The following AEBP2 variants were observed in gnomAD, a reference collection of about 807,000 sequenced individuals.
The protein encoded by AEBP2 is AE binding protein 2.
Under a neutral mutation model 50.8 loss-of-function variants are expected in AEBP2, and 10 were observed. The ratio of observed to expected loss-of-function variants is 0.20; its 90% CI spans 0.12 to 0.33. The LOEUF (loss-of-function observed/expected upper bound fraction) is 0.33, where lower values mean the gene tolerates loss of function less well. Ranked by LOEUF, AEBP2 falls within the 10% of genes least tolerant of loss-of-function variation. The pLI, the probability that AEBP2 is intolerant of heterozygous loss-of-function variation, is 1.00. For missense variants in AEBP2, 570 were observed against 688.0 expected, an observed-to-expected ratio of 0.83 and a Z score of 1.92; for synonymous variants, 296 against 261.3, an observed-to-expected ratio of 1.13 and a Z score of -1.28.
At chr12:19,452,988 C>T (rs1170915203) in intron 1 of AEBP2, among the ~76,000 whole-genome samples, 3 of 103,988 alleles carry the variant, frequency 2.9e-5, no homozygotes, top group East Asian at 2.8e-4. Flanking sequence ...TTTTTTGAGA[C>T]GGAGTCTCGC....
intron 2 of AEBP2, among the ~76,000 whole-genome samples, chr12:19,465,345 G>A (rs543704977): frequency 1.6e-4 from 25 of 152,038 alleles, no homozygotes; most frequent in African/African-American, 5.3e-4. Context: ...AGTGAGCTGA[G>A]ATCACGCCAC....
intron 1 of AEBP2, among the ~76,000 whole-genome samples, chr12:19,442,169 G>A (rs1592716945): frequency 6.6e-6 from 1 of 152,302 alleles, no homozygotes; most frequent in East Asian, 1.9e-4. Flanking sequence ...AGGACTTTGG[G>A]AGGCCGAGGT....
intron 1 of AEBP2, among the ~76,000 whole-genome samples, chr12:19,449,811 C>T (rs1232258492): frequency 5.3e-5 from 8 of 152,118 alleles, no homozygotes; most frequent in African/African-American, 1.9e-4. Flanking sequence ...ATATATTTTA[C>T]TTGCCTTAAA....
chr12:19,516,990 C>T (rs993890484), intron 7 of AEBP2, among the ~76,000 whole-genome samples: 2 of 152,154 alleles, frequency 1.3e-5, no homozygotes, highest in African/African-American at 4.8e-5. Context: ...TCACGTCCTA[C>T]ACTCCAGCCT....
At position 19,518,386 on chromosome 12, in the gene AEBP2, A is replaced by C. The variant is rs1949350088; in HGVS notation, c.*269A>C. 8.2e-7 allele frequency: 1 copy of C among 1,226,748 alleles called. No individual in the cohort carries two copies. The highest frequency in any genetic ancestry group is 4.0e-5 in the Admixed American group (1 of 25,168). 76.0% of individuals were successfully genotyped at this position (1,226,748 alleles called of 1,614,324 possible). A position where few individuals can be genotyped will look rare whatever the true frequency, so the allele number is the denominator to read the frequency against. ...GAGACTGAGCAAACACTCTTTTGGC[A>C]ACTTAGTAGAACAGCTTCTTAAAGG... On this transcript the variant is annotated 3_prime_UTR_variant, in exon 8 of 8. Transcript: ENST00000266508.
At chr12:19,460,697 C>T (rs1948360183) in intron 1 of AEBP2, among the ~76,000 whole-genome samples, 1 of 150,994 alleles carries the variant, frequency 6.6e-6, no homozygotes, top group African/African-American at 2.4e-5. Context: ...CTCTGTCGCC[C>T]AGGTTGGAGT....
chr12:19,421,568 A>G (rs1359574151), intron 1 of AEBP2, among the ~76,000 whole-genome samples: 1 of 151,584 alleles, frequency 6.6e-6, no homozygotes, highest in Non-Finnish European at 1.5e-5. Context: ...GCTGCAGTAA[A>G]CTGTAATCAT....
At chr12:19,469,085 T>C (rs1247050449) in intron 2 of AEBP2, among the ~76,000 whole-genome samples, 2 of 152,062 alleles carry the variant, frequency 1.3e-5, no homozygotes, top group African/African-American at 4.8e-5. Context: ...TCATCACACC[T>C]GGTTAAGTTT....
At chr12:19,481,577 C>G (rs1948730468) in intron 3 of AEBP2, among the ~76,000 whole-genome samples, 1 of 151,930 alleles carries the variant, frequency 6.6e-6, no homozygotes, top group South Asian at 2.1e-4. Context: ...CTCCTGGGTT[C>G]AAGTGATTCT....
At chr12:19,484,488 C>T (rs1275732412) in intron 3 of AEBP2, among the ~76,000 whole-genome samples, 2 of 151,854 alleles carry the variant, frequency 1.3e-5, no homozygotes, top group Non-Finnish European at 2.9e-5. Context: ...GATTCTCCTG[C>T]CTCAGCCTCC....
chr12:19,437,914 G>A (rs1455130368), upstream of AEBP2, among the ~76,000 whole-genome samples: 1 of 152,134 alleles, frequency 6.6e-6, no homozygotes, highest in Non-Finnish European at 1.5e-5. Flanking sequence ...TGAGCATGGA[G>A]GCTCTGTTTT....
chr12:19,500,426 A>G (rs1011931003), intron 5 of AEBP2, among the ~76,000 whole-genome samples: 1 of 152,206 alleles, frequency 6.6e-6, no homozygotes, highest in South Asian at 2.1e-4. Flanking sequence ...ATTAAACTGA[A>G]TATGTTAGCC....
intron 6 of AEBP2, among the ~76,000 whole-genome samples, chr12:19,514,074 A>G (rs1164400521): frequency 6.6e-6 from 1 of 151,406 alleles, no homozygotes; most frequent in Admixed American, 6.6e-5. Flanking sequence ...CTCTTGGCTC[A>G]CTGCAACCTC....
At position 19,446,357 on chromosome 12, in the gene AEBP2, A is replaced by G. The variant is rs564853218; in HGVS notation, c.671+5987A>G. ...GCAGGTATGGTTACTCACACCTGTC[A>G]TCCCTGCACTTTGGAAGGCCAAGGT... On this transcript the variant is annotated intron_variant, in intron 1 of 7. Coordinates refer to ENST00000266508, the MANE Select transcript of AEBP2 (RefSeq NM_153207.5). Among the ~76,000 whole-genome samples the G allele has an allele frequency of 1.9e-4, 29 of 152,306 alleles. No homozygotes were observed. The East Asian group carries it at 5.6e-3, about 29-fold the overall frequency.
At chr12:19,454,068 T>C (rs1190159088) in intron 1 of AEBP2, among the ~76,000 whole-genome samples, 1 of 152,048 alleles carries the variant, frequency 6.6e-6, no homozygotes, top group Non-Finnish European at 1.5e-5. Flanking sequence ...TGTTCTTTTT[T>C]AAAAATGGAG....
chr12:19,465,818 G>A (rs1948463410), intron 2 of AEBP2, among the ~76,000 whole-genome samples: 1 of 137,946 alleles, frequency 7.2e-6, no homozygotes, highest in Non-Finnish European at 1.5e-5. Context: ...TTGAGATGGA[G>A]TGTTGCTCTG....
At chr12:19,412,047 G>T (rs2095739492) in intron 1 of AEBP2, among the ~76,000 whole-genome samples, 1 of 152,218 alleles carries the variant, frequency 6.6e-6, no homozygotes, top group African/African-American at 2.4e-5. Context: ...GTACTACAAG[G>T]GCACTGGTGG....
chr12:19,506,575 T>C (rs1052073053), intron 5 of AEBP2, among the ~76,000 whole-genome samples: 1 of 152,178 alleles, frequency 6.6e-6, no homozygotes, highest in Non-Finnish European at 1.5e-5. Flanking sequence ...CTCTGAAGTT[T>C]TCTGGTGTAG....
rs548806497 is a variant in AEBP2 at position 19,520,154 on chromosome 12, G to A, written c.*2037G>A. On this transcript the variant is annotated 3_prime_UTR_variant, in exon 8 of 8. Coordinates refer to ENST00000266508, the MANE Select transcript of AEBP2 (RefSeq NM_153207.5). ...ATTTTATTGCCTCATGTTCTTGTAA[G>A]TCATTCTTAATTGACCAATGATTGT... The A allele has an allele frequency of 1.3e-5, 2 of 152,478 alleles. No individual in the cohort carries two copies. Among genetic ancestry groups the A allele is most frequent in the East Asian group, 3.9e-4 (2 of 5,178 alleles). 9.4% of individuals were successfully genotyped at this position (152,478 alleles called of 1,614,324 possible). A position where few individuals can be genotyped will look rare whatever the true frequency, so the allele number is the denominator to read the frequency against.
Sources: allele counts gnomAD v4.1 joint callset (sites outside exome capture counted in the v4.1 genomes callset), GRCh38; gene constraint gnomAD v4.1.1; transcripts MANE v1.5; gene names NCBI Gene and HGNC (gene_info 2026-07-23, HGNC 2026-07-21).